SEMA6D: variants seen among roughly 807,000 people sequenced by gnomAD.
The protein encoded by SEMA6D is semaphorin 6D.
Under a neutral mutation model 106.6 loss-of-function variants are expected in SEMA6D, and 35 were observed. That is an observed-to-expected ratio of 0.33 (90% confidence interval 0.25 to 0.44). The LOEUF (loss-of-function observed/expected upper bound fraction) is 0.44. SEMA6D is among the 20% of genes least tolerant of loss of function. The probability of loss-of-function intolerance (pLI) is 1.00; values close to 1 mark genes in which losing one functional copy is unlikely to be tolerated. For missense variants in SEMA6D, 1,185 were observed against 1,345.9 expected (o/e 0.88, Z 1.87); for synonymous variants, 499 against 487.7 (o/e 1.02, Z -0.31).
chr15:47,487,834 A>G (rs1596129122), intron 3 of SEMA6D, among the ~76,000 whole-genome samples: 2 of 152,184 alleles, frequency 1.3e-5, no homozygotes, highest in Admixed American at 6.5e-5. Flanking sequence ...TGTGTTGCTT[A>G]TGAAGGTTCT....
Position 47,619,318 on chromosome 15 carries a change from C to T in SEMA6D, c.-55+18422C>T, listed in dbSNP as rs182100315. 4.9e-3 allele frequency among the ~76,000 whole-genome samples: 741 copies of T among 152,234 alleles called. 13 individuals carry two copies. The highest frequency in any genetic ancestry group is 0.028 in the Admixed American group (422 of 15,292). ...ATCTTCAAACCTTTAGTTAAAGCAA[C>T]GCAAGAGGGTGGGGTTCTCCACACC... is the stretch of plus-strand genomic sequence containing the variant. On this transcript the variant is annotated intron_variant, in intron 4 of 19. Coordinates refer to the SEMA6D transcript ENST00000558014.
intron 4 of SEMA6D, among the ~76,000 whole-genome samples, chr15:47,674,350 T>C (rs1315348616): frequency 6.6e-6 from 1 of 152,234 alleles, no homozygotes; most frequent in East Asian, 1.9e-4. Flanking sequence ...AAGCGACTGA[T>C]TCCTCAGACA....
At chr15:47,588,925 C>T (rs2076389451) in intron 3 of SEMA6D, among the ~76,000 whole-genome samples, 2 of 152,164 alleles carry the variant, frequency 1.3e-5, no homozygotes, top group African/African-American at 2.4e-5. Flanking sequence ...ACAACTGTCA[C>T]AATGGGGAGG....
At position 47,773,935 on chromosome 15, in the gene SEMA6D, G is replaced by A. The variant is rs1785006302; in HGVS notation, c.*2150G>A. ...TGCTTCCTTGTAGTTTGTAATGTGA[G>A]TTCAATCAGTATTTATGTTGAAATT... On this transcript the variant is annotated 3_prime_UTR_variant, in exon 19 of 19. Transcript: ENST00000536845. The A allele has an allele frequency of 6.6e-6, 1 of 152,636 alleles. No homozygotes were observed. Among genetic ancestry groups the A allele is most frequent in the African/African-American group, 2.4e-5 (1 of 41,466 alleles). The allele number at this position is 152,636 out of a possible 1,614,324, so 9.5% of individuals were successfully genotyped here. A position where few individuals can be genotyped will look rare whatever the true frequency, so the allele number is the denominator to read the frequency against.
intron 1 of SEMA6D, among the ~76,000 whole-genome samples, chr15:47,219,680 A>G (rs1414678995): frequency 6.6e-6 from 1 of 152,204 alleles, no homozygotes; most frequent in Non-Finnish European, 1.5e-5. Flanking sequence ...GCTAGATAGA[A>G]TTATATTCTG....
At chr15:47,562,705 C>T (rs1442682590) in intron 3 of SEMA6D, among the ~76,000 whole-genome samples, 1 of 151,984 alleles carries the variant, frequency 6.6e-6, no homozygotes, top group Non-Finnish European at 1.5e-5. Context: ...GAGTTGGAAA[C>T]TAGAAACTTC....
At chr15:47,380,053 G>C (rs1177703675) in intron 1 of SEMA6D, among the ~76,000 whole-genome samples, 1 of 152,284 alleles carries the variant, frequency 6.6e-6, no homozygotes, top group African/African-American at 2.4e-5. Flanking sequence ...ACCATGCCCG[G>C]CCAAGATTTT....
intron 3 of SEMA6D, among the ~76,000 whole-genome samples, chr15:47,547,950 A>G (rs1403477054): frequency 2.6e-5 from 4 of 152,154 alleles, no homozygotes; most frequent in Admixed American, 2.0e-4. Flanking sequence ...ATATTCTAGA[A>G]TTTCCCACCT....
At chr15:47,436,352 T>C (rs1218583829) in intron 2 of SEMA6D, among the ~76,000 whole-genome samples, 1 of 150,776 alleles carries the variant, frequency 6.6e-6, no homozygotes, top group Admixed American at 6.6e-5. Flanking sequence ...ATTATGCCAT[T>C]GCACCCCAGC....
chr15:47,414,721 A>G (rs1032737085), intron 2 of SEMA6D, among the ~76,000 whole-genome samples: 1 of 152,204 alleles, frequency 6.6e-6, no homozygotes, highest in Non-Finnish European at 1.5e-5. Context: ...TAAGGACCAT[A>G]CAGAATCCTT....
intron 7 of SEMA6D, 127 bp from the exon 8 acceptor site, chr15:47,762,073 G>A (rs1297318983): frequency 2.0e-6 from 2 of 1,011,240 alleles, no homozygotes; most frequent in African/African-American, 3.2e-5. Context: ...AGAATCAGGT[G>A]TAGCCCTATT....
chr15:47,408,735 G>A (rs975258117), intron 1 of SEMA6D, among the ~76,000 whole-genome samples: 2 of 152,178 alleles, frequency 1.3e-5, no homozygotes, highest in African/African-American at 4.8e-5. Flanking sequence ...TAGGTTTAAC[G>A]AAAGCAATTT....
At chr15:47,584,428 G>A (rs12913106) in intron 3 of SEMA6D, among the ~76,000 whole-genome samples, 141,334 of 149,950 alleles carry the variant, frequency 0.94, 67,075 homozygotes, top group South Asian at 1. Context: ...TGTCTCAGGG[G>A]AAAAAAAAAA....
chr15:47,194,933 C>G (rs952818628), intron 1 of SEMA6D, among the ~76,000 whole-genome samples: 4 of 152,162 alleles, frequency 2.6e-5, no homozygotes, highest in African/African-American at 9.7e-5. Context: ...CTCACTCAAA[C>G]TTAACTAGTG....
At chr15:47,430,435 G>A (rs886833912) in intron 2 of SEMA6D, among the ~76,000 whole-genome samples, 1 of 151,720 alleles carries the variant, frequency 6.6e-6, no homozygotes, top group African/African-American at 2.4e-5. Context: ...TTATCAGACT[G>A]GGGGCAGGTC....
intron 4 of SEMA6D, among the ~76,000 whole-genome samples, chr15:47,641,345 G>T (rs1399226459): frequency 6.6e-6 from 1 of 152,228 alleles, no homozygotes; most frequent in African/African-American, 2.4e-5. Context: ...GGATCTGACT[G>T]TGACTCGGGG....
chr15:47,419,037 A>G (rs2041069642), intron 2 of SEMA6D, among the ~76,000 whole-genome samples: 1 of 152,154 alleles, frequency 6.6e-6, no homozygotes, highest in Non-Finnish European at 1.5e-5. Context: ...CCTCTATGGA[A>G]TTTAAGCTGG....
intron 4 of SEMA6D, among the ~76,000 whole-genome samples, chr15:47,652,174 TG>T (rs1381324487): frequency 6.6e-6 from 1 of 152,220 alleles, no homozygotes; most frequent in Non-Finnish European, 1.5e-5. Flanking sequence ...AAAAGTACTT[TG>T]CATGTAGAAG....
Position 47,208,003 on chromosome 15 carries a change from ACACAC to A in SEMA6D, c.-239+23586_-239+23590del, listed in dbSNP as rs1895217177. Among the ~76,000 whole-genome samples the A allele has an allele frequency of 4.1e-5, 3 of 73,352 alleles. No individual in the cohort carries two copies. In the Admixed American group the frequency reaches 4.1e-4, roughly 10 times the overall value. 48.1% of individuals were successfully genotyped at this position (73,352 alleles called of 152,430 possible). ...GCCACTGGCGCGCGCGCACACACAC[ACACAC>A]ACACACACACACACACACACACACA... On this transcript the variant is annotated intron_variant, in intron 1 of 19. Transcript: ENST00000558014.
Sources: gnomAD v4.1 joint callset for allele counts (sites outside exome capture counted in the v4.1 genomes callset) on GRCh38, gnomAD v4.1.1 for gene constraint, MANE v1.5 for transcripts, NCBI Gene and HGNC (gene_info 2026-07-23, HGNC 2026-07-21) for gene names.